SNX29: variants seen among roughly 807,000 people sequenced by gnomAD.
The protein encoded by SNX29 is sorting nexin 29.
A neutral mutation model predicts 102.1 loss-of-function variants in SNX29; 78 were observed. The ratio of observed to expected loss-of-function variants is 0.76; its 90% CI spans 0.64 to 0.92. The LOEUF is 0.92. SNX29 is among the 40% of genes least tolerant of loss of function. The pLI, the probability that SNX29 is intolerant of heterozygous loss-of-function variation, is 0.00. For missense variants in SNX29, 1,280 were observed against 1,061.7 expected, an observed-to-expected ratio of 1.21 and a Z score of -2.86; for synonymous variants, 580 against 414.5, an observed-to-expected ratio of 1.40 and a Z score of -4.85.
In SNX29 at chr16:12,572,584, G is replaced by A. The variant is rs1567231341; in HGVS notation, c.*3955G>A. ...ACAGGGAGGTCCAGCCATGTTCTCT[G>A]GGCTCCCAGTGAGCCCCCTCCCCTC... On this transcript the variant is annotated 3_prime_UTR_variant, in exon 21 of 21. Transcript: ENST00000566228. The A allele has an allele frequency of 9.4e-7, 1 of 1,064,026 alleles. No homozygotes were observed. The highest frequency in any genetic ancestry group is 4.6e-5 in the South Asian group (1 of 21,972). The allele number at this position is 1,064,026 out of a possible 1,614,324, so 65.9% of individuals were successfully genotyped here.
chr16:12,017,791 G>C (rs902578925), intron 3 of SNX29, among the ~76,000 whole-genome samples: 5 of 151,840 alleles, frequency 3.3e-5, no homozygotes, highest in Non-Finnish European at 5.9e-5. Flanking sequence ...GATCCTTTGT[G>C]TTAACGACAT....
intron 18 of SNX29, among the ~76,000 whole-genome samples, chr16:12,418,551 G>A (rs1048719318): frequency 2.6e-5 from 4 of 150,952 alleles, no homozygotes; most frequent in African/African-American, 2.4e-5. Flanking sequence ...GTCTCACTCT[G>A]TTGTCCAGGC....
intron 13 of SNX29, among the ~76,000 whole-genome samples, chr16:12,156,118 C>T (rs1339244707): frequency 6.6e-6 from 1 of 152,240 alleles, no homozygotes; most frequent in Non-Finnish European, 1.5e-5. Flanking sequence ...TTTCTCTCTA[C>T]CAAGACCCTC....
chr16:12,524,745 A>T lies in SNX29; in HGVS notation c.2222A>T (p.Tyr741Phe). The T allele has an allele frequency of 3.7e-6, 6 of 1,613,626 alleles. No individual in the cohort carries two copies. The highest frequency in any genetic ancestry group is 5.1e-6 in the Non-Finnish European group (6 of 1,179,774). ...VEERRKQLQNYLRSVMNKVIQ... is the reference protein window; with the variant it reads ...VEERRKQLQNFLRSVMNKVIQ... ...GAACGGAGAAAGCAGCTCCAGAATT[A>T]CCTGCGCAGCGTCATGAACAAAGTC... The change falls in exon 20 of 21, where the codon TAC (tyrosine) becomes TTC (phenylalanine). Residue 741 changes from tyrosine to phenylalanine, a missense_variant. Coordinates refer to ENST00000566228, the MANE Select transcript of SNX29 (RefSeq NM_032167.5).
chr16:12,078,837 G>A lies in SNX29; in HGVS notation c.1324G>A (p.Glu442Lys). Residue 442 changes from glutamate (E) to lysine (K), a missense_variant, in exon 11 of 21, where the codon GAA (glutamate) becomes AAA (lysine). Physicochemically the swap from Glu to Lys is moderately conservative, Grantham distance 56. Coordinates refer to ENST00000566228, the MANE Select transcript of SNX29 (RefSeq NM_032167.5). ...CTCCTGCCTGCTTTTTCCTAGTGTG[G>A]AAGCCAGCTCTCCAGGCCACGGAAG... is the stretch of plus-strand genomic sequence containing the variant. Reference protein sequence around the residue: ...LPDPGLRYSVEASSPGHGSPL... With the variant: ...LPDPGLRYSVKASSPGHGSPL... The A allele has an allele frequency of 2.5e-6, 4 of 1,600,470 alleles. No homozygotes were observed. The highest frequency in any genetic ancestry group is 3.4e-6 in the Non-Finnish European group (4 of 1,173,662).
At chr16:12,335,516 C>T (rs529642292) in intron 15 of SNX29, among the ~76,000 whole-genome samples, 13 of 152,180 alleles carry the variant, frequency 8.5e-5, no homozygotes, top group Admixed American at 4.6e-4. Context: ...CTCTACAAAA[C>T]ATTAAAAAAA....
intron 8 of SNX29, among the ~76,000 whole-genome samples, chr16:12,059,716 G>A (rs2050690731): frequency 1.3e-5 from 2 of 152,312 alleles, no homozygotes; most frequent in South Asian, 4.1e-4. Context: ...CACCAAGAAA[G>A]AAGACTGTGT....
intron 16 of SNX29, among the ~76,000 whole-genome samples, chr16:12,357,553 C>T (rs1339539166): frequency 1.3e-5 from 2 of 152,188 alleles, no homozygotes; most frequent in African/African-American, 4.8e-5. Context: ...CCTAACATAA[C>T]TTGTACCATT....
At chr16:12,179,976 A>G (rs186193274) in intron 13 of SNX29, among the ~76,000 whole-genome samples, 1 of 152,312 alleles carries the variant, frequency 6.6e-6, no homozygotes. Context: ...ATTTTCAGGT[A>G]CATGGCATGT....
At chr16:12,407,883 G>A (rs1248055197) in intron 18 of SNX29, among the ~76,000 whole-genome samples, 1 of 152,226 alleles carries the variant, frequency 6.6e-6, no homozygotes, top group Non-Finnish European at 1.5e-5. Context: ...CAGAGGCTGA[G>A]ATAGGAGAAT....
chr16:12,347,914 C>A (rs983834582), intron 15 of SNX29, among the ~76,000 whole-genome samples: 1,055 of 120,502 alleles, frequency 8.8e-3, no homozygotes, highest in Middle Eastern at 0.018. Flanking sequence ...CCTGTCTTTA[C>A]AAAAAAAAAA....
At chr16:12,416,054 G>A (rs12448347) in intron 18 of SNX29, among the ~76,000 whole-genome samples, 50,880 of 151,948 alleles carry the variant, frequency 0.33, 10,442 homozygotes, top group Non-Finnish European at 0.45. Context: ...CTCTGAGGAT[G>A]GCCGCCTGGC....
At chr16:12,131,719 A>C (rs2054475867) in intron 13 of SNX29, among the ~76,000 whole-genome samples, 1 of 152,334 alleles carries the variant, frequency 6.6e-6, no homozygotes, top group African/African-American at 2.4e-5. Context: ...TGGATGTGCA[A>C]GGGAGCCCAG....
intron 4 of SNX29, among the ~76,000 whole-genome samples, chr16:12,042,106 C>G (rs1351582266): frequency 6.6e-6 from 1 of 152,190 alleles, no homozygotes; most frequent in African/African-American, 2.4e-5. Context: ...TCTCAGCTCA[C>G]TGCAACCTCC....
At chr16:12,015,817 C>T (rs935002280) in intron 3 of SNX29, among the ~76,000 whole-genome samples, 2 of 150,480 alleles carry the variant, frequency 1.3e-5, no homozygotes, top group Non-Finnish European at 3.0e-5. Flanking sequence ...TTACAGGCGC[C>T]TGAGCCACTG....
chr16:12,257,918 T>G (rs2078623076), intron 14 of SNX29, among the ~76,000 whole-genome samples: 1 of 152,196 alleles, frequency 6.6e-6, no homozygotes, highest in South Asian at 2.1e-4. Context: ...TGATTTACAA[T>G]CTATAGCCAG....
chr16:12,552,377 C>G (rs114563084), intron 20 of SNX29, among the ~76,000 whole-genome samples: 1 of 152,200 alleles, frequency 6.6e-6, no homozygotes, highest in African/African-American at 2.4e-5. Flanking sequence ...TGTAAGACAG[C>G]AAGCATGGTA....
At chr16:12,015,649 T>C (rs543692724) in intron 3 of SNX29, among the ~76,000 whole-genome samples, 82 of 151,136 alleles carry the variant, frequency 5.4e-4, no homozygotes, top group Middle Eastern at 3.4e-3. Flanking sequence ...CATTCTCCTG[T>C]CTCAGCCTCC....
intron 20 of SNX29, among the ~76,000 whole-genome samples, chr16:12,564,988 A>T (rs1221850322): frequency 2.0e-5 from 3 of 151,032 alleles, no homozygotes; most frequent in Non-Finnish European, 4.4e-5. Context: ...TCAGCTTCCG[A>T]CTACAGCCCA....
Sources: allele counts gnomAD v4.1 joint callset (sites outside exome capture counted in the v4.1 genomes callset), GRCh38; gene constraint gnomAD v4.1.1; transcripts MANE v1.5; gene names NCBI Gene and HGNC (gene_info 2026-07-23, HGNC 2026-07-21).